The following GPR176 variants were observed in gnomAD, a reference collection of about 807,000 sequenced individuals.
GPR176 encodes G protein-coupled receptor 176, also known as G-protein coupled receptor 176.
A neutral mutation model predicts 35.4 loss-of-function variants in GPR176; 26 were observed. That is an observed-to-expected ratio of 0.74 (90% CI 0.54 to 1.02). The LOEUF (loss-of-function observed/expected upper bound fraction) is 1.02, where lower values mean the gene tolerates loss of function less well. Among genes scored for constraint, GPR176 ranks in the 50% least tolerant of loss-of-function variants. The pLI is 0.00. For missense variants in GPR176, 597 were observed against 665.3 expected, an observed-to-expected ratio of 0.90 and a Z score of 1.13; for synonymous variants, 278 against 271.3, an observed-to-expected ratio of 1.02 and a Z score of -0.24.
intron 1 of GPR176, among the ~76,000 whole-genome samples, chr15:39,918,279 T>A (rs2140883861): frequency 6.6e-6 from 1 of 152,322 alleles, no homozygotes. Context: ...ATGTTTACGA[T>A]TTGCTATGTC....
intron 1 of GPR176, chr15:39,862,243 T>G (rs1157358540): frequency 6.6e-6 from 1 of 152,220 alleles, no homozygotes; most frequent in Non-Finnish European, 1.5e-5. Context: ...AAAATGTGTA[T>G]TACGAGTAAT....
chr15:39,834,254 C>T lies in GPR176; in HGVS notation c.173-26996G>A, dbSNP rs145474450. Reference sequence around the variant, plus strand: ...TCCAATTTAAAAAGTTTTAAACCCACTGATTGACAAAAGCTATAAAATTAA... The same window carrying T: ...TCCAATTTAAAAAGTTTTAAACCCATTGATTGACAAAAGCTATAAAATTAA... On this transcript the variant is annotated intron_variant, in intron 1 of 2. Coordinates refer to ENST00000561100, the MANE Select transcript of GPR176 (RefSeq NM_007223.3). Among the ~76,000 whole-genome samples the T allele has an allele frequency of 5.7e-3, 872 of 152,220 alleles. 9 individuals are homozygous for T. Among genetic ancestry groups the T allele is most frequent in the African/African-American group, 0.02 (844 of 41,538 alleles).
At chr15:39,833,695 G>T (rs1215974003) in intron 1 of GPR176, among the ~76,000 whole-genome samples, 1 of 152,156 alleles carries the variant, frequency 6.6e-6, no homozygotes, top group Non-Finnish European at 1.5e-5. Context: ...CCTAAAAAAT[G>T]AGTCAGTACA....
At chr15:39,865,668 T>G (rs2031798902) in intron 1 of GPR176, among the ~76,000 whole-genome samples, 1 of 152,130 alleles carries the variant, frequency 6.6e-6, no homozygotes, top group Non-Finnish European at 1.5e-5. Context: ...TCTATGCGTG[T>G]AACAAAATTA....
chr15:39,833,392 T>G (rs766843306), intron 1 of GPR176, among the ~76,000 whole-genome samples: 10 of 151,994 alleles, frequency 6.6e-5, no homozygotes, highest in Non-Finnish European at 1.5e-4. Flanking sequence ...AATAAAGAAG[T>G]CAGTAACAAA....
chr15:39,830,598 A>G (rs1481435794), intron 1 of GPR176, among the ~76,000 whole-genome samples: 1 of 152,190 alleles, frequency 6.6e-6, no homozygotes, highest in African/African-American at 2.4e-5. Flanking sequence ...AATCACTTTG[A>G]AGAAAAAAGT....
At position 39,801,447 on chromosome 15, in the gene GPR176, C is replaced by T. The variant is rs748706626; in HGVS notation, c.1233G>A (p.Glu411=). 15 of 1,614,090 alleles carry T rather than the reference C, an allele frequency of 9.3e-6. No individual in the cohort carries two copies. The South Asian group carries it at 1.6e-4, about 18-fold the overall frequency. The change falls in exon 3 of 3, where the codon GAG becomes GAA. Residue 411 remains glutamate, a synonymous_variant. Transcript: ENST00000561100. ...GCGCAAACTGTGGCCCCTGCTCTCC[C>T]TCCAGGCAGGTGCTAAATATCTCCT... ...QAKEIFSTCL[E]GEQGPQFAPS...
rs371380090 is a variant in GPR176, at chr15:39,858,983, G to A, written c.173-51725C>T. Among the ~76,000 whole-genome samples, 24 of 152,142 alleles carry A rather than the reference G, an allele frequency of 1.6e-4. No homozygotes were observed. In the East Asian group the frequency reaches 2.1e-3, roughly 14 times the overall value. ...GCTGATCTTGAATTCCTGACCTCAG[G>A]TGGTCCACCCACCTGGGCCTCCCAA... On this transcript the variant is annotated intron_variant, in intron 1 of 2. Coordinates refer to ENST00000561100, the MANE Select transcript of GPR176 (RefSeq NM_007223.3).
chr15:39,915,637 G>A (rs190398053), intron 1 of GPR176, among the ~76,000 whole-genome samples: 2 of 152,302 alleles, frequency 1.3e-5, no homozygotes, highest in African/African-American at 4.8e-5. Flanking sequence ...AACTTTGGCA[G>A]GGTGAGGCGG....
intron 1 of GPR176, among the ~76,000 whole-genome samples, chr15:39,913,607 G>A (rs915318738): frequency 1.1e-4 from 17 of 152,042 alleles, no homozygotes; most frequent in African/African-American, 3.9e-4. Context: ...GATTGCCTAG[G>A]GCTCAAGGTA....
intron 1 of GPR176, among the ~76,000 whole-genome samples, chr15:39,817,528 C>G (rs535967095): frequency 6.6e-6 from 1 of 152,158 alleles, no homozygotes; most frequent in Non-Finnish European, 1.5e-5. Context: ...TCATACAACA[C>G]CCTTTAAGAT....
rs899552884 is a variant in GPR176, at chr15:39,920,200, G to C, written c.-174C>G. On this transcript the variant is annotated 5_prime_UTR_variant, in exon 1 of 3. Coordinates refer to ENST00000561100, the MANE Select transcript of GPR176 (RefSeq NM_007223.3). ...CGCCAACCCCGGCGCCCGGGAGGCG[G>C]GGAGGGAGGGAGGCGCGGCTGCGCC... 11 of 413,018 alleles carry C rather than the reference G, an allele frequency of 2.7e-5. No homozygotes were observed. The highest frequency in any genetic ancestry group is 4.4e-5 in the Admixed American group (1 of 22,582). 25.6% of individuals were successfully genotyped at this position (413,018 alleles called of 1,614,324 possible).
At chr15:39,861,624 T>C (rs907987887) in intron 1 of GPR176, among the ~76,000 whole-genome samples, 4 of 152,102 alleles carry the variant, frequency 2.6e-5, no homozygotes, top group African/African-American at 9.7e-5. Context: ...GCAAGATAAA[T>C]CTTTCTTTTT....
chr15:39,887,443 T>C (rs2032712205), intron 1 of GPR176, among the ~76,000 whole-genome samples: 1 of 152,162 alleles, frequency 6.6e-6, no homozygotes, highest in Non-Finnish European at 1.5e-5. Flanking sequence ...GGAATGCCGC[T>C]GTGTAAAACA....
chr15:39,844,603 T>C (rs112340992), intron 1 of GPR176, among the ~76,000 whole-genome samples: 2 of 148,286 alleles, frequency 1.3e-5, no homozygotes, highest in African/African-American at 5.0e-5. Context: ...AAAAAAAAAA[T>C]AGATCAGGTG....
At chr15:39,914,499 G>C (rs1244578235) in intron 1 of GPR176, among the ~76,000 whole-genome samples, 1 of 151,956 alleles carries the variant, frequency 6.6e-6, no homozygotes, top group African/African-American at 2.4e-5. Flanking sequence ...TTTTTTACTA[G>C]AGACAGGGTT....
intron 1 of GPR176, among the ~76,000 whole-genome samples, chr15:39,812,923 C>T (rs1899669033): frequency 6.6e-6 from 1 of 151,654 alleles, no homozygotes. Flanking sequence ...TTTGTAGAGA[C>T]AGGGTCTCAC....
At chr15:39,878,124 G>GTGTGTGTGTGTGTA (rs2032325967) in intron 1 of GPR176, among the ~76,000 whole-genome samples, 1 of 150,734 alleles carries the variant, frequency 6.6e-6, no homozygotes, top group East Asian at 2.0e-4. Context: ...GTGTGTGTGT[G>GTGTGTGTGTGTGTA]TGTGTGTGTG....
rs749811949 is a variant in GPR176, at chr15:39,807,227, G to C, written c.204C>G (p.Arg68=). The part of the protein sequence containing the change: ...GNFMVLWSTC[R]TTVFKSVTNR... ...TGGTGACAGATTTGAACACGGTTGT[G>C]CGGCAAGTTGACCATAACACCATGA... Residue 68 remains arginine (R), a synonymous_variant, in exon 2 of 3, where the codon CGC becomes CGG. Coordinates refer to ENST00000561100, the MANE Select transcript of GPR176 (RefSeq NM_007223.3). 6.2e-7 allele frequency: 1 copy of C among 1,606,420 alleles called. No individual in the cohort carries two copies. Among genetic ancestry groups the C allele is most frequent in the Admixed American group, 1.7e-5 (1 of 58,346 alleles).
Sources: gnomAD v4.1 joint callset for allele counts (sites outside exome capture counted in the v4.1 genomes callset) on GRCh38, gnomAD v4.1.1 for gene constraint, MANE v1.5 for transcripts, NCBI Gene and HGNC (gene_info 2026-07-23, HGNC 2026-07-21) for gene names.